Variants in PSMA6 observed in about 807,000 individuals in gnomAD.
The protein encoded by PSMA6 is proteasome 20S subunit alpha 6, also known as proteasome subunit alpha type-6.
For missense variants in PSMA6, 170 were observed against 294.8 expected (o/e 0.58, Z 3.10); for synonymous variants, 88 against 97.7 (o/e 0.90, Z 0.59).
rs184702615 is a variant in PSMA6, at chr14:35,300,704, A to G, written c.77-7290A>G. On this transcript the variant is annotated intron_variant, in intron 1 of 6. Transcript: ENST00000261479. ...CATCACACAGCTTCATCTGATGTCA[A>G]TATTTTGTCAGTCTTGTTTTCTCCC... Among the ~76,000 whole-genome samples, 148 of 152,318 alleles carry G rather than the reference A, an allele frequency of 9.7e-4. 1 individual carries two copies. The highest frequency in any genetic ancestry group is 6.0e-4 in the Non-Finnish European group (41 of 68,026).
At chr14:35,289,355 G>A (rs1395561455), upstream of PSMA6, among the ~76,000 whole-genome samples, 1 of 151,464 alleles carries the variant, frequency 6.6e-6, no homozygotes, top group Admixed American at 6.6e-5. Flanking sequence ...TTTGAGACAA[G>A]GTCTCACTCT....
At position 35,309,196 on chromosome 14, in the gene PSMA6, T is replaced by G. The variant is rs190449841; in HGVS notation, c.253+201T>G. 3.3e-5 allele frequency among the ~76,000 whole-genome samples: 5 copies of G among 152,330 alleles called. No individual in the cohort carries two copies. In the East Asian group the frequency reaches 9.6e-4, roughly 29 times the overall value. ...TTTTGAAATTATACCTATAATAGAA[T>G]TAGATGCTTATGCTGCTGTCGGAGA... On this transcript the variant is annotated intron_variant, in intron 3 of 6. Coordinates refer to ENST00000261479, the MANE Select transcript of PSMA6 (RefSeq NM_002791.3).
At chr14:35,312,120 C>T (rs769038988) in intron 4 of PSMA6, among the ~76,000 whole-genome samples, 2 of 150,320 alleles carry the variant, frequency 1.3e-5, no homozygotes, top group African/African-American at 4.9e-5. Flanking sequence ...AATCCCAGCA[C>T]TTTGGGAGGC....
At chr14:35,310,936 A>C in intron 4 of PSMA6, 41 bp downstream of exon 4, 1 of 1,581,966 alleles carries the variant, frequency 6.3e-7, no homozygotes, top group Non-Finnish European at 8.6e-7. Flanking sequence ...TGATGAATTG[A>C]AACTTTTTAC....
At chr14:35,291,326 T>G (rs1594375821), upstream of PSMA6, among the ~76,000 whole-genome samples, 1 of 151,984 alleles carries the variant, frequency 6.6e-6, no homozygotes, top group Non-Finnish European at 1.5e-5. Context: ...CACGCCGTTC[T>G]CCTGCCTCAG....
At chr14:35,283,363 C>CA (rs754386797) in intron 1 of PSMA6, among the ~76,000 whole-genome samples, 1,185 of 64,772 alleles carry the variant, frequency 0.018, 9 homozygotes, top group African/African-American at 0.045. Context: ...CCTATCTCTA[C>CA]AAAAAAAAAA....
Position 35,299,327 on chromosome 14 carries a change from CT to C in PSMA6, c.76+6788del, listed in dbSNP as rs71445906. On this transcript the variant is annotated intron_variant, in intron 1 of 6. Coordinates refer to ENST00000261479, the MANE Select transcript of PSMA6 (RefSeq NM_002791.3). ...TGTGAGCCGCCGCAGTGCCCAGCCT[CT>C]TTTTTTTTTTTTGAGATGGAGTCTC... Among the ~76,000 whole-genome samples, 30 of 65,998 alleles carry C rather than the reference CT, an allele frequency of 4.5e-4. 2 individuals carry two copies. Among genetic ancestry groups the C allele is most frequent in the African/African-American group, 9.9e-4 (17 of 17,126 alleles). 43.3% of individuals were successfully genotyped at this position (65,998 alleles called of 152,430 possible).
At chr14:35,300,258 CAGG>C (rs2051685526) in intron 1 of PSMA6, among the ~76,000 whole-genome samples, 1 of 152,034 alleles carries the variant, frequency 6.6e-6, no homozygotes, top group Admixed American at 6.6e-5. Context: ...TGCTTGAGGC[CAGG>C]AGTTCGAAAC....
upstream of PSMA6, among the ~76,000 whole-genome samples, chr14:35,289,748 A>C (rs752876056): frequency 6.6e-6 from 1 of 152,022 alleles, no homozygotes; most frequent in Non-Finnish European, 1.5e-5. Context: ...AGTGAAACCT[A>C]GTCTCTAAAA....
intron 1 of PSMA6, among the ~76,000 whole-genome samples, chr14:35,306,283 C>T (rs989495454): frequency 2.0e-5 from 3 of 150,182 alleles, no homozygotes; most frequent in Non-Finnish European, 4.4e-5. Context: ...AGAGGCTGTC[C>T]TGGTGGCTCA....
At chr14:35,282,753 G>A (rs914703293) in intron 1 of PSMA6, among the ~76,000 whole-genome samples, 1 of 151,888 alleles carries the variant, frequency 6.6e-6, no homozygotes, top group Admixed American at 6.5e-5. Context: ...TACTCAGGAG[G>A]TTGAGGTAGG....
intron 1 of PSMA6, chr14:35,278,736 A>C (rs1285857364): frequency 6.5e-7 from 1 of 1,533,866 alleles, no homozygotes; most frequent in South Asian, 1.2e-5. Flanking sequence ...CCTCACTCAG[A>C]CTTGTTGCTT....
intron 5 of PSMA6, 32 bp from the exon 6 acceptor site, chr14:35,314,329 A>G (rs764234531): frequency 6.4e-7 from 1 of 1,551,728 alleles, no homozygotes; most frequent in Non-Finnish European, 8.7e-7. Flanking sequence ...TCTAAAAAAT[A>G]CTATATTTTA....
chr14:35,302,176 G>T (rs377062226), intron 1 of PSMA6, among the ~76,000 whole-genome samples: 23 of 152,176 alleles, frequency 1.5e-4, no homozygotes, highest in Non-Finnish European at 2.8e-4. Flanking sequence ...CTACCAGAGG[G>T]TTAATGATTT....
chr14:35,288,489 C>T (rs1186093807), upstream of PSMA6, among the ~76,000 whole-genome samples: 1 of 152,162 alleles, frequency 6.6e-6, no homozygotes, highest in Non-Finnish European at 1.5e-5. Flanking sequence ...CAGAGCGAGG[C>T]TCCATCTCAA....
chr14:35,292,265 C>A (rs1045385292), upstream of PSMA6: 4 of 1,373,496 alleles, frequency 2.9e-6, no homozygotes, highest in South Asian at 6.6e-5. Flanking sequence ...CTTCAAAGGC[C>A]TCCCGCCCTC....
intron 6 of PSMA6, chr14:35,317,008 T>C (rs1285220489): frequency 2.6e-6 from 1 of 384,166 alleles, no homozygotes. Flanking sequence ...CAATTCTAAA[T>C]CTGATGTCAA....
chr14:35,297,228 T>C (rs756567119), intron 1 of PSMA6, among the ~76,000 whole-genome samples: 8 of 151,588 alleles, frequency 5.3e-5, no homozygotes, highest in Non-Finnish European at 1.2e-4. Context: ...TTTTATTTTT[T>C]TGGGGGGGAT....
chr14:35,281,863 A>G (rs2051369534), intron 1 of PSMA6, among the ~76,000 whole-genome samples: 1 of 152,184 alleles, frequency 6.6e-6, no homozygotes. Context: ...TGCTAGGATT[A>G]CAGGCATCAG....
Sources: allele counts gnomAD v4.1 joint callset (sites outside exome capture counted in the v4.1 genomes callset), GRCh38; gene constraint gnomAD v4.1.1; transcripts MANE v1.5; gene names NCBI Gene and HGNC (gene_info 2026-07-23, HGNC 2026-07-21).